Variants in MCMBP observed in about 807,000 individuals in gnomAD.
The protein encoded by MCMBP is minichromosome maintenance complex binding protein.
In MCMBP, 31 loss-of-function variants were observed where a neutral mutation model predicts 81.3. The observed-to-expected ratio is 0.38, with a 90% confidence interval of 0.29 to 0.51. The LOEUF is 0.51. MCMBP is among the 20% of genes least tolerant of loss of function. The pLI, the probability that MCMBP is intolerant of heterozygous loss-of-function variation, is 0.87. For missense variants in MCMBP, 645 were observed against 772.1 expected (o/e 0.84, Z 1.95); for synonymous variants, 267 against 275.9 (o/e 0.97, Z 0.32).
intron 9 of MCMBP, 91 bp downstream of exon 9, chr10:119,843,161 ACT>A: frequency 7.3e-7 from 1 of 1,361,392 alleles, no homozygotes; most frequent in Non-Finnish European, 1.1e-6. Flanking sequence ...TGAAGACCTG[ACT>A]CTCAATTCCA....
At chr10:119,861,732 T>C (rs1195351315) in intron 1 of MCMBP, among the ~76,000 whole-genome samples, 3 of 152,154 alleles carry the variant, frequency 2.0e-5, no homozygotes, top group Non-Finnish European at 4.4e-5. Context: ...CTTGAATGTA[T>C]ATAAATGCAA....
At chr10:119,867,856 G>C (rs574850822) in intron 1 of MCMBP, among the ~76,000 whole-genome samples, 1 of 152,270 alleles carries the variant, frequency 6.6e-6, no homozygotes, top group South Asian at 2.1e-4. Flanking sequence ...CAAGGACAGA[G>C]TGGTAGAAGA....
rs1851996280 is a variant in MCMBP at position 119,830,728 on chromosome 10, G to C, written c.*746C>G. 6.7e-6 allele frequency: 1 copy of C among 150,106 alleles called. No homozygotes were observed. The allele number at this position is 150,106 out of a possible 1,614,324, so 9.3% of individuals were successfully genotyped here. A position where few individuals can be genotyped will look rare whatever the true frequency, so the allele number is the denominator to read the frequency against. ...AAAGGACTCCTCTTATTCAGAGATAGATTGTCCTTTCCTTTTATGAAAAAA... is the reference window on the plus strand; with the variant it reads ...AAAGGACTCCTCTTATTCAGAGATACATTGTCCTTTCCTTTTATGAAAAAA... On this transcript the variant is annotated 3_prime_UTR_variant, in exon 16 of 16. Coordinates refer to ENST00000369077, the MANE Select transcript of MCMBP (RefSeq NM_001256378.2).
At chr10:119,852,625 C>T (rs993731243) in intron 6 of MCMBP, among the ~76,000 whole-genome samples, 1 of 152,154 alleles carries the variant, frequency 6.6e-6, no homozygotes, top group African/African-American at 2.4e-5. Flanking sequence ...CTACAATAAG[C>T]CATGATTATG....
At chr10:119,860,058 T>C (rs17099357) in intron 1 of MCMBP, among the ~76,000 whole-genome samples, 174 bp from the exon 2 acceptor site, 8,396 of 152,256 alleles carry the variant, frequency 0.055, 421 homozygotes, top group South Asian at 0.27. Flanking sequence ...TCTGAAGTAC[T>C]GCACAAGACA....
intron 10 of MCMBP, 89 bp downstream of exon 10, chr10:119,842,383 A>G (rs61869087): frequency 0.11 from 158,068 of 1,450,316 alleles, 9,531 homozygotes; most frequent in South Asian, 0.17. Flanking sequence ...CCAATAAGGA[A>G]AACACACAAA....
chr10:119,842,767 CTTTTTTTT>C, intron 9 of MCMBP, 172 bp from the exon 10 acceptor site: 1 of 487,492 alleles, frequency 2.1e-6, no homozygotes, highest in Non-Finnish European at 3.3e-6. Flanking sequence ...TTGCATCCTC[CTTTTTTTT>C]TTTTTTGAGA....
Position 119,842,533 on chromosome 10 carries a change from G to C in MCMBP, c.1063C>G (p.His355Asp). The change falls in exon 10 of 16, where the codon CAT becomes GAT. Residue 355 changes from histidine (H) to aspartate (D), a missense_variant. Transcript: ENST00000369077. ...GCCAAACTATCCCCCAGAAGGGCAT[G>C]AGTAAGGAACCCAAGAAGTTCTGCT... ...VRAELLGFLT[H>D]ALLGDSLAAE... The C allele has an allele frequency of 6.2e-7, 1 of 1,613,930 alleles. No individual in the cohort carries two copies. Among genetic ancestry groups the C allele is most frequent in the African/African-American group, 1.3e-5 (1 of 75,020 alleles).
intron 5 of MCMBP, 33 bp downstream of exon 5, chr10:119,857,305 T>C: frequency 6.8e-7 from 1 of 1,471,838 alleles, no homozygotes; most frequent in Non-Finnish European, 9.4e-7. Flanking sequence ...TTAGAAACCA[T>C]CAACACAGTA....
In MCMBP at chr10:119,857,402, G is replaced by A. The variant is rs1193516906; in HGVS notation, c.365C>T (p.Thr122Ile). Reference protein sequence around the residue: ...QELDLNSPRNTTLERQTFYCV... With the variant: ...QELDLNSPRNITLERQTFYCV... ...ATAGAAAGTCTGTCTTTCCAAAGTG[G>A]TATTTCGTGGAGAGTTTAAATCAAG... Residue 122 changes from threonine (T) to isoleucine (I), a missense_variant, in exon 5 of 16, where the codon ACC (threonine) becomes ATC (isoleucine). Coordinates refer to ENST00000369077, the MANE Select transcript of MCMBP (RefSeq NM_001256378.2). 1.2e-6 allele frequency: 2 copies of A among 1,611,648 alleles called. No homozygotes were observed. The highest frequency in any genetic ancestry group is 1.7e-6 in the Non-Finnish European group (2 of 1,178,240).
At chr10:119,847,522 A>T in intron 8 of MCMBP, 91 bp downstream of exon 8, 1 of 653,876 alleles carries the variant, frequency 1.5e-6, no homozygotes, top group Non-Finnish European at 2.6e-6. Context: ...GAAAGGGAAA[A>T]GGGAGTTCTT....
At chr10:119,858,715 TAAA>T (rs571239374) in intron 4 of MCMBP, among the ~76,000 whole-genome samples, 166 bp downstream of exon 4, 5 of 151,782 alleles carry the variant, frequency 3.3e-5, no homozygotes, top group Non-Finnish European at 7.4e-5. Flanking sequence ...TTTAGAGGAT[TAAA>T]AAAAAGTCAC....
At chr10:119,838,140 C>T (rs1366327853) in intron 12 of MCMBP, among the ~76,000 whole-genome samples, 2 of 151,500 alleles carry the variant, frequency 1.3e-5, no homozygotes, top group Non-Finnish European at 2.9e-5. Flanking sequence ...AGAACCCTTA[C>T]GACCCTCAAC....
intron 1 of MCMBP, among the ~76,000 whole-genome samples, chr10:119,862,574 T>G (rs1289048604): frequency 1.3e-5 from 2 of 152,226 alleles, no homozygotes; most frequent in African/African-American, 4.8e-5. Context: ...AACAACCAAT[T>G]TGTTTATGTA....
chr10:119,870,829 G>A (rs925538722), intron 1 of MCMBP, among the ~76,000 whole-genome samples: 4 of 152,094 alleles, frequency 2.6e-5, no homozygotes, highest in African/African-American at 7.2e-5. Flanking sequence ...CAACGTACAC[G>A]GGAACAAGAC....
At position 119,831,620 on chromosome 10, in the gene MCMBP, C is replaced by T. The variant is rs1288351473; in HGVS notation, c.1797-20G>A. The T allele has an allele frequency of 6.2e-7, 1 of 1,607,178 alleles. No homozygotes were observed. Among genetic ancestry groups the T allele is most frequent in the Non-Finnish European group, 8.5e-7 (1 of 1,178,334 alleles). On this transcript the variant is annotated intron_variant, in intron 15 of 15. Coordinates refer to ENST00000369077, the MANE Select transcript of MCMBP (RefSeq NM_001256378.2). ...AGACACCTGGTTTGAAACACAGAAA[C>T]AAATTTAAGTCTAGAGCTGGGATAG...
At chr10:119,831,683 G>A in intron 15 of MCMBP, 83 bp from the exon 16 acceptor site, 1 of 1,495,168 alleles carries the variant, frequency 6.7e-7, no homozygotes. Context: ...GGAATACTTT[G>A]TGAAAACACA....
In MCMBP at chr10:119,832,029, CTGG is replaced by C. The variant is rs769819091; in HGVS notation, c.1776_1778del (p.His592del). 1.2e-6 allele frequency: 2 copies of C among 1,611,796 alleles called. No individual in the cohort carries two copies. The highest frequency in any genetic ancestry group is 1.3e-5 in the African/African-American group (1 of 74,912). On this transcript the variant is annotated inframe_deletion, in exon 15 of 16. Transcript: ENST00000369077. Reference sequence around the variant, plus strand: ...CCACTTACCGAGCCACCACGAGCAGCTGGTGAAGATCATCAGCAGTGATGCTCT... The same window carrying C: ...CCACTTACCGAGCCACCACGAGCAGCTGAAGATCATCAGCAGTGATGCTCT...
chr10:119,865,091 T>G (rs537885201), intron 1 of MCMBP, among the ~76,000 whole-genome samples: 7 of 152,374 alleles, frequency 4.6e-5, no homozygotes, highest in Admixed American at 1.3e-4. Flanking sequence ...TTCTACCCAC[T>G]ATTCTGTCAA....
Sources: gnomAD v4.1 joint callset for allele counts (sites outside exome capture counted in the v4.1 genomes callset) on GRCh38, gnomAD v4.1.1 for gene constraint, MANE v1.5 for transcripts, NCBI Gene and HGNC (gene_info 2026-07-23, HGNC 2026-07-21) for gene names.